SHD: variants seen among roughly 807,000 people sequenced by gnomAD.
The protein encoded by SHD is SH2 domain-containing adapter protein D.
A neutral mutation model predicts 31.2 loss-of-function variants in SHD; 29 were observed. That is an observed-to-expected ratio of 0.93 (90% CI 0.69 to 1.27). The LOEUF (loss-of-function observed/expected upper bound fraction) is 1.27, where lower values mean the gene tolerates loss of function less well. SHD is among the 50% of genes most tolerant of loss of function. The probability of loss-of-function intolerance (pLI) is 0.00; values close to 1 mark genes in which losing one functional copy is unlikely to be tolerated. For missense variants in SHD, 520 were observed against 453.8 expected (o/e 1.15, Z -1.33); for synonymous variants, 208 against 187.8 (o/e 1.11, Z -0.88).
chr19:4,286,267 CTTT>C (rs1568369425), intron 4 of SHD, among the ~76,000 whole-genome samples: 37 of 119,808 alleles, frequency 3.1e-4, no homozygotes, highest in African/African-American at 1.1e-3. Flanking sequence ...TTCTCTCTTT[CTTT>C]CTTTCTTTCT....
intron 4 of SHD, among the ~76,000 whole-genome samples, chr19:4,287,967 C>G (rs1971337771): frequency 6.6e-6 from 1 of 151,652 alleles, no homozygotes; most frequent in African/African-American, 2.4e-5. Context: ...TGCAGTGGTG[C>G]AATCTCAGCT....
Position 4,284,807 on chromosome 19 carries a change from A to G in SHD, c.619A>G (p.Arg207Gly), listed in dbSNP as rs1340634321. The G allele has an allele frequency of 8.1e-6, 13 of 1,612,056 alleles. No individual in the cohort carries two copies. Among genetic ancestry groups the G allele is most frequent in the Middle Eastern group, 1.6e-4 (1 of 6,078 alleles). Residue 207 changes from arginine to glycine, a missense_variant, in exon 4 of 6, where the codon AGG becomes GGG. By Grantham distance (125) the Arg-to-Gly change is moderately radical (BLOSUM62 -2). Transcript: ENST00000543264. Reference protein sequence around the residue: ...AVQFDSPEWERTPGSAKELRR... With the variant: ...AVQFDSPEWEGTPGSAKELRR... ...GCAGTTTGACAGTCCAGAGTGGGAG[A>G]GGACTCCAGGCTCAGCCAAGGAGCT...
intron 1 of SHD, among the ~76,000 whole-genome samples, chr19:4,281,870 G>A (rs1971260038): frequency 6.6e-6 from 1 of 152,158 alleles, no homozygotes; most frequent in African/African-American, 2.4e-5. Context: ...GTGTCCCTAA[G>A]CAAAACACTT....
At chr19:4,285,781 C>T (rs112239585) in intron 4 of SHD, among the ~76,000 whole-genome samples, 3,577 of 151,926 alleles carry the variant, frequency 0.024, 135 homozygotes, top group East Asian at 0.19. Flanking sequence ...AACTCCTGAC[C>T]TCATGATCCA....
intron 1 of SHD, among the ~76,000 whole-genome samples, chr19:4,280,822 C>T (rs900877304): frequency 1.3e-5 from 2 of 152,012 alleles, no homozygotes; most frequent in Admixed American, 1.3e-4. Flanking sequence ...TCACTGCGCC[C>T]GGTGGATATC....
At chr19:4,281,106 G>A (rs1971252642) in intron 1 of SHD, among the ~76,000 whole-genome samples, 1 of 151,980 alleles carries the variant, frequency 6.6e-6, no homozygotes, top group Non-Finnish European at 1.5e-5. Flanking sequence ...TCGCAGAACG[G>A]TAGTGACTTG....
At chr19:4,286,628 G>A (rs1433981674) in intron 4 of SHD, among the ~76,000 whole-genome samples, 2 of 152,088 alleles carry the variant, frequency 1.3e-5, no homozygotes, top group African/African-American at 2.4e-5. Flanking sequence ...GGCCAGGCAC[G>A]GTGGCTCACG....
rs759015686 is a variant in SHD at position 4,284,951 on chromosome 19, T to C, written c.716+47T>C. 8 of 1,484,784 alleles carry C rather than the reference T, an allele frequency of 5.4e-6. No homozygotes were observed. The Admixed American group carries it at 1.3e-4, about 23-fold the overall frequency. The allele number at this position is 1,484,784 out of a possible 1,614,324, so 92.0% of individuals were successfully genotyped here. A position where few individuals can be genotyped will look rare whatever the true frequency, so the allele number is the denominator to read the frequency against. ...GGAAGAGCCCCGTTGAACGTATCTG[T>C]AGACTCCAATGTATCAGGCAGAAGT... is the stretch of plus-strand genomic sequence containing the variant. On this transcript the variant is annotated intron_variant, in intron 4 of 5. Coordinates refer to ENST00000543264, the MANE Select transcript of SHD (RefSeq NM_020209.4).
rs1568370511 is a variant in SHD, at chr19:4,290,486, C to T, written c.876C>T (p.Thr292=). The change falls in exon 6 of 6, where the codon ACC becomes ACT. Residue 292 remains threonine (T), a synonymous_variant. Coordinates refer to ENST00000543264, the MANE Select transcript of SHD (RefSeq NM_020209.4). Reference sequence around the variant, plus strand: ...TCCTGCATCTGAAGTTCGCGCGGACCCGTGAGAACCAGGTGGTGCTGGGCC... The same window carrying T: ...TCCTGCATCTGAAGTTCGCGCGGACTCGTGAGAACCAGGTGGTGCTGGGCC... The part of the protein sequence containing the change: ...QGFLHLKFAR[T]RENQVVLGQH... 6.2e-7 allele frequency: 1 copy of T among 1,613,392 alleles called. No homozygotes were observed. The highest frequency in any genetic ancestry group is 1.1e-5 in the South Asian group (1 of 91,050).
Position 4,283,200 on chromosome 19 carries a change from C to T in SHD, c.550C>T (p.Pro184Ser). The T allele has an allele frequency of 3.7e-6, 6 of 1,614,044 alleles. No homozygotes were observed. Among genetic ancestry groups the T allele is most frequent in the Non-Finnish European group, 5.1e-6 (6 of 1,179,978 alleles). Residue 184 changes from proline (P) to serine (S), a missense_variant, in exon 3 of 6, where the codon CCC becomes TCC. Transcript: ENST00000543264. The stretch of plus-strand genomic sequence containing the variant: ...ACGGCCAGCAGATGAGTATGATCAG[C>T]CCTGGGAGTGGAAGAAAGACCACAT... ...DERPADEYDQPWEWKKDHISR... is the reference protein window; with the variant it reads ...DERPADEYDQSWEWKKDHISR...
At chr19:4,285,704 C>T (rs995163307) in intron 4 of SHD, among the ~76,000 whole-genome samples, 8 of 151,594 alleles carry the variant, frequency 5.3e-5, no homozygotes, top group African/African-American at 1.9e-4. Flanking sequence ...CGTGCACCAC[C>T]ATGCCTAGCT....
At chr19:4,289,035 C>G (rs1356454120) in intron 5 of SHD, among the ~76,000 whole-genome samples, 1 of 150,346 alleles carries the variant, frequency 6.7e-6, no homozygotes. Flanking sequence ...ACCTCGGAGG[C>G]TGAGGCAGGA....
chr19:4,283,270 C>G, intron 3 of SHD, 28 bp downstream of exon 3: 1 of 1,591,414 alleles, frequency 6.3e-7, no homozygotes, highest in Non-Finnish European at 8.6e-7. Context: ...ACTCTGACAT[C>G]TGAATGCCCC....
chr19:4,282,984 G>C lies in SHD; in HGVS notation c.403+9G>C, dbSNP rs1404054375. On this transcript the variant is annotated intron_variant, in intron 2 of 5. Transcript: ENST00000543264. ...CCAATGGGTCATGAGTGGTGAGTAG[G>C]CACGGCTTGGGGGAAGGTGACAGGG... The C allele has an allele frequency of 6.2e-7, 1 of 1,614,068 alleles. No homozygotes were observed. The highest frequency in any genetic ancestry group is 1.7e-5 in the Admixed American group (1 of 59,980).
intron 5 of SHD, among the ~76,000 whole-genome samples, chr19:4,288,936 GA>G (rs957165342): frequency 1.9e-4 from 29 of 152,010 alleles, no homozygotes; most frequent in African/African-American, 6.5e-4. Context: ...AGGAGTTCGA[GA>G]CCAGCCTGGC....
In SHD at chr19:4,279,704, C is replaced by G; in HGVS notation, c.-360C>G. The G allele has an allele frequency of 4.8e-6, 1 of 209,512 alleles. No individual in the cohort carries two copies. The highest frequency in any genetic ancestry group is 5.8e-5 in the Admixed American group (1 of 17,332). The allele number at this position is 209,512 out of a possible 1,614,324, so 13.0% of individuals were successfully genotyped here. A position where few individuals can be genotyped will look rare whatever the true frequency, so the allele number is the denominator to read the frequency against. The stretch of plus-strand genomic sequence containing the variant: ...GAGGCGGCGGGCGGCCGTGTCGCTC[C>G]AGGGAACCGCGCTGCCCGCGGAAAC... On this transcript the variant is annotated 5_prime_UTR_variant, in exon 1 of 6. Coordinates refer to ENST00000543264, the MANE Select transcript of SHD (RefSeq NM_020209.4). The surrounding 1 kb of genome is among the most constrained non-coding windows in gnomAD (Gnocchi z 7.5).
At chr19:4,283,724 G>A (rs2080965) in intron 3 of SHD, among the ~76,000 whole-genome samples, 65,150 of 151,148 alleles carry the variant, frequency 0.43, 14,955 homozygotes, top group Non-Finnish European at 0.51. Flanking sequence ...GACTACAGGC[G>A]CCCGCCACCA....
rs192206454 is a variant in SHD at position 4,284,609 on chromosome 19, A to G, written c.593-172A>G. On this transcript the variant is annotated intron_variant, in intron 3 of 5. Coordinates refer to ENST00000543264, the MANE Select transcript of SHD (RefSeq NM_020209.4). ...ACCGCACCTATTTCTTAGGAAGGCC[A>G]AAAGGTTGCACCTGTGGCCAATCCT... 4.2e-3 allele frequency: 2,836 copies of G among 671,930 alleles called. 13 individuals are homozygous for G. Among genetic ancestry groups the G allele is most frequent in the South Asian group, 0.013 (322 of 24,160 alleles). 41.6% of individuals were successfully genotyped at this position (671,930 alleles called of 1,614,324 possible).
intron 1 of SHD, among the ~76,000 whole-genome samples, 157 bp downstream of exon 1, chr19:4,280,517 G>T (rs1189326643): frequency 6.6e-6 from 1 of 152,052 alleles, no homozygotes; most frequent in Non-Finnish European, 1.5e-5. Context: ...GCTTGGGGAA[G>T]TCTGTTCTTT....
Sources: gnomAD v4.1 joint callset for allele counts (sites outside exome capture counted in the v4.1 genomes callset) on GRCh38, gnomAD v4.1.1 for gene constraint, Gnocchi (gnomAD v3.1) non-coding constraint, MANE v1.5 for transcripts, NCBI Gene and HGNC (gene_info 2026-07-23, HGNC 2026-07-21) for gene names.